The following NAV1 variants were observed in gnomAD, a reference collection of about 807,000 sequenced individuals.
NAV1 encodes pore membrane and/or filament interacting like protein 3.
NAV1 carries 18 observed loss-of-function variants against 175.2 expected under a neutral mutation model. The observed-to-expected ratio is 0.10, with a 90% CI of 0.07 to 0.15. The LOEUF is 0.15. Ranked by LOEUF, NAV1 falls within the 10% of genes least tolerant of loss-of-function variation. NAV1 has a pLI of 1.00. For synonymous variants in NAV1, 897 were observed against 978.7 expected (o/e 0.92, Z 1.56); for missense variants, 1,731 against 2,436.6 (o/e 0.71, Z 6.10).
rs540760880 is a variant in NAV1 at position 201,803,667 on chromosome 1, G to A, written c.3592G>A (p.Gly1198Ser). 1.3e-5 allele frequency: 21 copies of A among 1,613,616 alleles called. No individual in the cohort carries two copies. The highest frequency in any genetic ancestry group is 6.7e-5 in the African/African-American group (5 of 74,956). ...CAGCATCACTAGCCATTCCAGCATC[G>A]GCAGCAGCAAGGATGCTGATGCGAA... The change falls in exon 16 of 30, where the codon GGC becomes AGC. Residue 1198 changes from glycine (G) to serine (S), a missense_variant. By Grantham distance (56) the Gly-to-Ser change is moderately conservative. Around this residue, in one of 13 missense-constraint regions of NAV1, gnomAD observed 146 missense variants for 176.8 expected, o/e 0.83. Coordinates refer to ENST00000367296, the Ensembl canonical transcript of NAV1.
Position 201,785,292 on chromosome 1 carries a change from T to C in NAV1, c.2805-18T>C. On this transcript the variant is annotated intron_variant, in intron 7 of 29. Coordinates refer to ENST00000367296, the Ensembl canonical transcript of NAV1. The stretch of plus-strand genomic sequence containing the variant: ...CTTCTCTCTCTCTCTCTTTTTTTTT[T>C]TTTTTTTATCTCCACAGTAATCAGC... 2 of 1,599,628 alleles carry C rather than the reference T, an allele frequency of 1.3e-6. No individual in the cohort carries two copies. The highest frequency in any genetic ancestry group is 1.7e-6 in the Non-Finnish European group (2 of 1,177,404).
chr1:201,688,183 C>G (rs1670756420), intron 1 of NAV1: 2 of 152,228 alleles, frequency 1.3e-5, no homozygotes, highest in Non-Finnish European at 2.9e-5. Context: ...CTGATGAGAG[C>G]AGGTCCTTCC....
At chr1:201,620,258 C>T (rs1236924390), upstream of NAV1, among the ~76,000 whole-genome samples, 3 of 152,084 alleles carry the variant, frequency 2.0e-5, no homozygotes, top group Non-Finnish European at 1.5e-5. Context: ...TCAAGAGAAC[C>T]GGCCATGCTT....
chr1:201,545,856 G>A (rs1665656015), intron 1 of NAV1, among the ~76,000 whole-genome samples: 2 of 152,192 alleles, frequency 1.3e-5, no homozygotes, highest in African/African-American at 4.8e-5. Flanking sequence ...ACTGTTTGTT[G>A]TTTAGTTATT....
intron 1 of NAV1, among the ~76,000 whole-genome samples, chr1:201,689,609 C>T (rs142562918): frequency 1.4e-4 from 21 of 152,300 alleles, no homozygotes; most frequent in African/African-American, 4.3e-4. Flanking sequence ...CTTGCTGGAG[C>T]ACATATACCC....
intron 2 of NAV1, among the ~76,000 whole-genome samples, chr1:201,591,131 C>T (rs563740213): frequency 5.9e-5 from 9 of 152,266 alleles, no homozygotes; most frequent in South Asian, 4.1e-4. Flanking sequence ...GGAGGCAACA[C>T]GGAAAGATTG....
In NAV1 at chr1:201,807,736, G is replaced by T. The variant is rs973197544; in HGVS notation, c.3649-217G>T. On this transcript the variant is annotated intron_variant, in intron 17 of 29. Transcript: ENST00000367296. The surrounding 1 kb of genome is among the most constrained non-coding windows in gnomAD (Gnocchi z 5.4). ...TTGCCAGGCTGGAGTGCAGTGGCTC[G>T]ATCTCAGCTCACTGCAACCTCTGCC... 5.3e-5 allele frequency among the ~76,000 whole-genome samples: 8 copies of T among 152,156 alleles called. No individual in the cohort carries two copies. The East Asian group carries it at 1.5e-3, about 29-fold the overall frequency.
chr1:201,727,398 G>A (rs1257806611), intron 3 of NAV1, among the ~76,000 whole-genome samples: 1 of 152,206 alleles, frequency 6.6e-6, no homozygotes, highest in Non-Finnish European at 1.5e-5. Flanking sequence ...TTCACACAAT[G>A]TTCTCGTGCA....
intron 1 of NAV1, among the ~76,000 whole-genome samples, chr1:201,681,941 C>T (rs565719480): frequency 9.9e-5 from 15 of 152,112 alleles, no homozygotes; most frequent in Non-Finnish European, 2.1e-4. Context: ...GTGGTGAAAC[C>T]CCCATCTCTA....
chr1:201,600,966 C>T (rs994482507), intron 2 of NAV1, among the ~76,000 whole-genome samples: 1 of 152,180 alleles, frequency 6.6e-6, no homozygotes, highest in Non-Finnish European at 1.5e-5. Flanking sequence ...GTTCTCTTTT[C>T]CTCTTCCCAA....
chr1:201,651,064 G>T (rs1669183596), intron 1 of NAV1, among the ~76,000 whole-genome samples: 1 of 151,892 alleles, frequency 6.6e-6, no homozygotes, highest in Admixed American at 6.6e-5. Context: ...AATGCAACTG[G>T]CCCATGTGAT....
chr1:201,747,802 C>T (rs781169293), intron 3 of NAV1, among the ~76,000 whole-genome samples: 3 of 152,180 alleles, frequency 2.0e-5, no homozygotes, highest in Non-Finnish European at 2.9e-5. Flanking sequence ...GTTTTTCCCC[C>T]ATTTAAGCTT....
chr1:201,714,375 C>A (rs935288616), intron 2 of NAV1, among the ~76,000 whole-genome samples: 1 of 152,222 alleles, frequency 6.6e-6, no homozygotes, highest in African/African-American at 2.4e-5. Flanking sequence ...CTATCCCCAG[C>A]CCATGCCCGC....
At chr1:201,734,476 G>A (rs370648580) in intron 3 of NAV1, among the ~76,000 whole-genome samples, 2 of 72,524 alleles carry the variant, frequency 2.8e-5, no homozygotes, top group Non-Finnish European at 6.3e-5. Flanking sequence ...AGGAAGAGGA[G>A]GAGGAGGAGG....
chr1:201,578,810 C>T (rs958026844), intron 1 of NAV1, among the ~76,000 whole-genome samples: 1 of 152,126 alleles, frequency 6.6e-6, no homozygotes, highest in African/African-American at 2.4e-5. Flanking sequence ...TATCATCATT[C>T]AAACTTTATC....
At chr1:201,686,163 T>C (rs921347160) in intron 1 of NAV1, among the ~76,000 whole-genome samples, 1 of 152,094 alleles carries the variant, frequency 6.6e-6, no homozygotes, top group Non-Finnish European at 1.5e-5. Flanking sequence ...GGAGTCATGT[T>C]GGTCCTCAGA....
chr1:201,731,241 CAGAT>C (rs1171347533), intron 3 of NAV1, among the ~76,000 whole-genome samples: 1 of 151,992 alleles, frequency 6.6e-6, no homozygotes, highest in Non-Finnish European at 1.5e-5. Context: ...GAGAGACAGA[CAGAT>C]ACTGTGTGAG....
At chr1:201,543,127 T>C (rs1014949362) in intron 1 of NAV1, among the ~76,000 whole-genome samples, 3 of 152,254 alleles carry the variant, frequency 2.0e-5, no homozygotes, top group African/African-American at 7.2e-5. Context: ...TTATTTTTCT[T>C]GCCTAATTGC....
At chr1:201,639,777 G>A (rs146503420) in intron 2 of NAV1, among the ~76,000 whole-genome samples, 4,260 of 152,178 alleles carry the variant, frequency 0.028, 70 homozygotes, top group Non-Finnish European at 0.036. Flanking sequence ...CCTGTGCCCC[G>A]TCCCCATCCC....
Sources: allele counts gnomAD v4.1 joint callset (sites outside exome capture counted in the v4.1 genomes callset), GRCh38; gene constraint gnomAD v4.1.1; regional missense constraint gnomAD v4.1.1; non-coding constraint Gnocchi (gnomAD v3.1); transcripts MANE v1.5; gene names NCBI Gene and HGNC (gene_info 2026-07-23, HGNC 2026-07-21).